Variants in FBXL17 observed in about 807,000 individuals in gnomAD.
The protein encoded by FBXL17 is F-box and leucine rich repeat protein 17.
In FBXL17, 22 loss-of-function variants were observed where a neutral mutation model predicts 66.2. The ratio of observed to expected loss-of-function variants is 0.33; its 90% CI spans 0.24 to 0.47. The LOEUF (loss-of-function observed/expected upper bound fraction) is 0.47. Among genes scored for constraint, FBXL17 ranks in the 20% least tolerant of loss-of-function variants. FBXL17 has a pLI of 1.00. For synonymous variants in FBXL17, 474 were observed against 400.5 expected (o/e 1.18, Z -2.19); for missense variants, 878 against 948.2 (o/e 0.93, Z 0.97).
At chr5:107,948,445 C>T (rs763926206) in intron 7 of FBXL17, among the ~76,000 whole-genome samples, 2 of 152,174 alleles carry the variant, frequency 1.3e-5, no homozygotes, top group African/African-American at 2.4e-5. Flanking sequence ...AACTCTGTAA[C>T]AGACCTCGAA....
chr5:108,108,956 T>C (rs550536664), intron 6 of FBXL17, among the ~76,000 whole-genome samples: 215 of 152,044 alleles, frequency 1.4e-3, no homozygotes, highest in Middle Eastern at 0.014. Context: ...GCTAATTTCA[T>C]ATTTTTTAGT....
chr5:108,303,219 A>G (rs1310742790), intron 4 of FBXL17, among the ~76,000 whole-genome samples: 4 of 151,818 alleles, frequency 2.6e-5, no homozygotes, highest in African/African-American at 9.7e-5. Flanking sequence ...TGTATAGTAA[A>G]CCACAATGTA....
At chr5:108,171,354 C>T (rs148234140) in intron 6 of FBXL17, among the ~76,000 whole-genome samples, 1 of 152,098 alleles carries the variant, frequency 6.6e-6, no homozygotes, top group Non-Finnish European at 1.5e-5. Flanking sequence ...ATTGTGGGGG[C>T]TTTGAGGTCA....
At chr5:108,324,007 G>A (rs187528298) in intron 4 of FBXL17, among the ~76,000 whole-genome samples, 154 of 152,020 alleles carry the variant, frequency 1.0e-3, no homozygotes, top group African/African-American at 3.5e-3. Context: ...TAGGATAAAA[G>A]CTTTACAACG....
chr5:107,899,058 T>C (rs1749480250), intron 7 of FBXL17, among the ~76,000 whole-genome samples: 1 of 152,208 alleles, frequency 6.6e-6, no homozygotes, highest in Admixed American at 6.5e-5. Flanking sequence ...TCCACAATGG[T>C]TGAACTAGTT....
At chr5:108,234,676 T>C (rs1203916875) in intron 4 of FBXL17, among the ~76,000 whole-genome samples, 1 of 152,214 alleles carries the variant, frequency 6.6e-6, no homozygotes, top group Non-Finnish European at 1.5e-5. Flanking sequence ...CTCCTGCAGA[T>C]AGAATCGGTG....
Position 108,154,197 on chromosome 5 carries a change from G to C in FBXL17, c.1745+31920C>G, listed in dbSNP as rs184677626. Among the ~76,000 whole-genome samples the C allele has an allele frequency of 6.3e-3, 938 of 149,184 alleles. 12 individuals are homozygous for C. The highest frequency in any genetic ancestry group is 0.022 in the African/African-American group (878 of 40,398). ...CTTCAAAATGGGAGAATGAGAGAGA[G>C]AGAGAGGAGAGAAAGGGATATTACA... On this transcript the variant is annotated intron_variant, in intron 6 of 8. Transcript: ENST00000542267.
intron 3 of FBXL17, among the ~76,000 whole-genome samples, chr5:108,350,281 C>T (rs912765686): frequency 1.3e-5 from 2 of 152,128 alleles, no homozygotes; most frequent in African/African-American, 4.8e-5. Context: ...CCTGACCTTG[C>T]CCTTTTTCCT....
At chr5:108,030,957 C>A (rs1580350322) in intron 6 of FBXL17, among the ~76,000 whole-genome samples, 2 of 151,938 alleles carry the variant, frequency 1.3e-5, no homozygotes, top group African/African-American at 4.8e-5. Flanking sequence ...TTTTGGAGAT[C>A]TTTTATTGAA....
At chr5:107,925,458 A>T (rs1750495261) in intron 7 of FBXL17, among the ~76,000 whole-genome samples, 1 of 152,170 alleles carries the variant, frequency 6.6e-6, no homozygotes, top group African/African-American at 2.4e-5. Context: ...TTCCTGTTGC[A>T]CGTACCTGTC....
chr5:108,223,055 T>C (rs935626033), intron 5 of FBXL17, among the ~76,000 whole-genome samples: 1 of 152,146 alleles, frequency 6.6e-6, no homozygotes, highest in Admixed American at 6.5e-5. Flanking sequence ...CTTATATATA[T>C]TACCTTATTT....
intron 4 of FBXL17, among the ~76,000 whole-genome samples, chr5:108,310,259 A>G (rs1334033531): frequency 6.6e-6 from 1 of 152,190 alleles, no homozygotes; most frequent in African/African-American, 2.4e-5. Flanking sequence ...AAAGGACTGC[A>G]ATGCTAAGAG....
chr5:107,909,257 C>T (rs1749869225), intron 7 of FBXL17, among the ~76,000 whole-genome samples: 2 of 152,070 alleles, frequency 1.3e-5, no homozygotes, highest in Admixed American at 6.6e-5. Flanking sequence ...ACAATTGAGC[C>T]AAGTTTCCAT....
intron 3 of FBXL17, among the ~76,000 whole-genome samples, chr5:108,361,849 A>G (rs1748357345): frequency 6.6e-6 from 1 of 152,150 alleles, no homozygotes; most frequent in Admixed American, 6.5e-5. Context: ...TAATTTGCAA[A>G]TAAGGTCTGC....
chr5:108,317,547 A>C (rs1289103272), intron 4 of FBXL17, among the ~76,000 whole-genome samples: 1 of 151,228 alleles, frequency 6.6e-6, no homozygotes, highest in Non-Finnish European at 1.5e-5. Context: ...ATTAATTATC[A>C]CTATTTTTGT....
chr5:108,302,885 CA>C (rs1225479783), intron 4 of FBXL17, among the ~76,000 whole-genome samples: 4 of 151,512 alleles, frequency 2.6e-5, no homozygotes, highest in Non-Finnish European at 5.9e-5. Context: ...TAATTAAAGC[CA>C]AAAAGTCACA....
rs188576620 is a variant in FBXL17, at chr5:107,907,545, T to A, written c.1823-26366A>T. ...GGAGAAAATTTTTGCAACCTACTCA[T>A]CTGACAAAGGGCTAATATCCAGAAT... On this transcript the variant is annotated intron_variant, in intron 7 of 8. Transcript: ENST00000542267. Among the ~76,000 whole-genome samples, 954 of 152,114 alleles carry A rather than the reference T, an allele frequency of 6.3e-3. 13 individuals carry two copies. Among genetic ancestry groups the A allele is most frequent in the African/African-American group, 0.02 (841 of 41,492 alleles).
intron 4 of FBXL17, among the ~76,000 whole-genome samples, chr5:108,337,334 T>A (rs1018433486): frequency 6.6e-6 from 1 of 151,870 alleles, no homozygotes; most frequent in African/African-American, 2.4e-5. Context: ...TCACTGGCAG[T>A]TCCTTTCAGA....
At position 108,186,187 on chromosome 5, in the gene FBXL17, T is replaced by C. The variant is rs1458671259; in HGVS notation, c.1675A>G (p.Met559Val). 5 of 1,612,734 alleles carry C rather than the reference T, an allele frequency of 3.1e-6. No individual in the cohort carries two copies. Among genetic ancestry groups the C allele is most frequent in the Non-Finnish European group, 4.2e-6 (5 of 1,179,004 alleles). Residue 559 changes from methionine to valine, a missense_variant, in exon 6 of 9, where the codon ATG becomes GTG. Physicochemically the swap from Met to Val is conservative, Grantham distance 21. Transcript: ENST00000542267. ...TTTTTGCACCTCTTGACAATTTCCA[T>C]CACGGTTTCATTATCCAGTTCAGTG... Reference protein sequence around the residue: ...HITELDNETVMEIVKRCKNLS... With the variant: ...HITELDNETVVEIVKRCKNLS...
Sources: gnomAD v4.1 joint callset for allele counts (sites outside exome capture counted in the v4.1 genomes callset) on GRCh38, gnomAD v4.1.1 for gene constraint, MANE v1.5 for transcripts, NCBI Gene and HGNC (gene_info 2026-07-23, HGNC 2026-07-21) for gene names.